SLC38A4: variants seen among roughly 807,000 people sequenced by gnomAD.
SLC38A4 encodes the protein sodium-coupled neutral amino acid transporter 4.
Under a neutral mutation model 63.1 loss-of-function variants are expected in SLC38A4, and 20 were observed. That is an observed-to-expected ratio of 0.32 (90% confidence interval 0.22 to 0.46). The LOEUF is 0.46. Ranked by LOEUF, SLC38A4 falls within the 20% of genes least tolerant of loss-of-function variation. The pLI, the probability that SLC38A4 is intolerant of heterozygous loss-of-function variation, is 1.00. For missense variants in SLC38A4, 526 were observed against 663.6 expected (o/e 0.79, Z 2.28); for synonymous variants, 230 against 225.5 (o/e 1.02, Z -0.18).
At chr12:46,812,576 A>G (rs1442874554) in intron 1 of SLC38A4, among the ~76,000 whole-genome samples, 2 of 152,072 alleles carry the variant, frequency 1.3e-5, no homozygotes, top group African/African-American at 4.8e-5. Context: ...CATTTATAAA[A>G]TAGTATATAG....
chr12:46,796,703 A>G (rs1939014291), intron 2 of SLC38A4, among the ~76,000 whole-genome samples: 1 of 152,066 alleles, frequency 6.6e-6, no homozygotes, highest in African/African-American at 2.4e-5. Flanking sequence ...CCTGTTTGTT[A>G]TACCTCTTTG....
chr12:46,806,005 AAGG>A (rs1174478106), intron 1 of SLC38A4, among the ~76,000 whole-genome samples: 1 of 151,772 alleles, frequency 6.6e-6, no homozygotes, highest in African/African-American at 2.4e-5. Flanking sequence ...TCCAGGAAAT[AAGG>A]AGTCCCTAGG....
chr12:46,798,635 T>G (rs757851940), intron 2 of SLC38A4, among the ~76,000 whole-genome samples: 3 of 152,180 alleles, frequency 2.0e-5, no homozygotes, highest in Non-Finnish European at 4.4e-5. Flanking sequence ...TGTATATTAA[T>G]AGGAACCTCA....
intron 3 of SLC38A4, among the ~76,000 whole-genome samples, chr12:46,789,470 A>G (rs1938835092): frequency 6.6e-6 from 1 of 152,122 alleles, no homozygotes; most frequent in African/African-American, 2.4e-5. Flanking sequence ...GTTTTCTTGG[A>G]CACAGGCTAG....
chr12:46,784,099 G>A (rs912935310), intron 7 of SLC38A4, among the ~76,000 whole-genome samples: 5 of 151,968 alleles, frequency 3.3e-5, no homozygotes, highest in African/African-American at 1.2e-4. Context: ...TAGTGGGCTG[G>A]CTCAGTGCAG....
At chr12:46,791,130 T>C (rs1938878153) in intron 3 of SLC38A4, among the ~76,000 whole-genome samples, 1 of 152,176 alleles carries the variant, frequency 6.6e-6, no homozygotes. Flanking sequence ...AGCTCATATT[T>C]GTGTGCATGC....
At chr12:46,827,295 C>T (rs7489259), upstream of SLC38A4, among the ~76,000 whole-genome samples, 112,011 of 152,178 alleles carry the variant, frequency 0.74, 41,385 homozygotes, top group African/African-American at 0.77. Context: ...TGGACATTTG[C>T]TAACATTTCA....
intron 16 of SLC38A4, among the ~76,000 whole-genome samples, chr12:46,767,356 C>G (rs1175369362): frequency 1.3e-5 from 2 of 151,984 alleles, no homozygotes; most frequent in Non-Finnish European, 2.9e-5. Flanking sequence ...TACATTTTAT[C>G]ACATACTTAA....
intron 5 of SLC38A4, among the ~76,000 whole-genome samples, chr12:46,786,913 T>C (rs1429885152): frequency 2.0e-5 from 3 of 152,348 alleles, no homozygotes; most frequent in Non-Finnish European, 4.4e-5. Flanking sequence ...TTTAACTCTC[T>C]AGCGTTGCAT....
chr12:46,829,508 C>A (rs1481258309), upstream of SLC38A4, among the ~76,000 whole-genome samples: 3 of 151,488 alleles, frequency 2.0e-5, no homozygotes, highest in South Asian at 6.2e-4. Context: ...AAAAAAACAA[C>A]GTCCACAAGC....
intron 3 of SLC38A4, among the ~76,000 whole-genome samples, chr12:46,790,201 T>C (rs1301336768): frequency 6.6e-6 from 1 of 152,182 alleles, no homozygotes; most frequent in Non-Finnish European, 1.5e-5. Flanking sequence ...GGAAAGAGGA[T>C]GACAGGGTTA....
chr12:46,792,823 G>A (rs1450917330), intron 3 of SLC38A4, 130 bp downstream of exon 3: 1 of 693,056 alleles, frequency 1.4e-6, no homozygotes, highest in Admixed American at 2.0e-5. Flanking sequence ...GAATTGATGT[G>A]CTAGCATCAA....
At chr12:46,769,190 A>G (rs1169494853) in intron 15 of SLC38A4, 94 bp downstream of exon 15, 8 of 1,369,206 alleles carry the variant, frequency 5.8e-6, no homozygotes, top group Non-Finnish European at 8.2e-6. Flanking sequence ...CTGAGAAAGA[A>G]CGGGGATCTG....
At chr12:46,819,717 A>G (rs1022208447) in intron 1 of SLC38A4, among the ~76,000 whole-genome samples, 28 of 152,032 alleles carry the variant, frequency 1.8e-4, no homozygotes, top group African/African-American at 6.3e-4. Context: ...GTGAAGCTGG[A>G]GATTCATTAC....
chr12:46,766,788 A>T lies in SLC38A4; in HGVS notation c.1557T>A (p.Leu519=), dbSNP rs1483637888. 6.2e-7 allele frequency: 1 copy of T among 1,609,610 alleles called. No individual in the cohort carries two copies. Among genetic ancestry groups the T allele is most frequent in the Non-Finnish European group, 8.5e-7 (1 of 1,177,072 alleles). ...SPQKVGALIF[L]VVGIFFMIGS... The stretch of plus-strand genomic sequence containing the variant: ...CAATCATGAAGAATATTCCAACCAC[A>T]AGGAAAATTAAAGCCTGTAATTCAG... The change falls in exon 17 of 17, where the codon CTT becomes CTA. Residue 519 remains leucine, a synonymous_variant. Transcript: ENST00000266579.
At chr12:46,769,226 C>G (rs1396342309) in intron 15 of SLC38A4, 58 bp downstream of exon 15, 1 of 1,588,526 alleles carries the variant, frequency 6.3e-7, no homozygotes, top group Non-Finnish European at 8.6e-7. Flanking sequence ...GTTCCCTGTC[C>G]ATCATTTAAT....
intron 12 of SLC38A4, among the ~76,000 whole-genome samples, chr12:46,777,822 C>G (rs1294495951): frequency 1.3e-5 from 2 of 151,952 alleles, no homozygotes; most frequent in Non-Finnish European, 1.5e-5. Context: ...AATAAGACAA[C>G]AAAGGACAGA....
chr12:46,810,290 G>A lies in SLC38A4; in HGVS notation c.-304-6496C>T, dbSNP rs184405784. 7.9e-5 allele frequency among the ~76,000 whole-genome samples: 12 copies of A among 151,978 alleles called. No individual in the cohort carries two copies. The East Asian group carries it at 2.1e-3, about 27-fold the overall frequency. ...AATCTAATAATAATAAGGTCCCTAT[G>A]TTGTTTCAAAGATTATGTTGTTCTC... On this transcript the variant is annotated intron_variant, in intron 1 of 16. Transcript: ENST00000266579.
At position 46,765,351 on chromosome 12, in the gene SLC38A4, C is replaced by G. The variant is rs111233605; in HGVS notation, c.*1350G>C. Reference sequence around the variant, plus strand: ...ACTTATACTTTTACAGAGAACCACTCAACACTGTATTAAATGGCCAATGAA... The same window carrying G: ...ACTTATACTTTTACAGAGAACCACTGAACACTGTATTAAATGGCCAATGAA... On this transcript the variant is annotated 3_prime_UTR_variant, in exon 17 of 17. Coordinates refer to ENST00000266579, the MANE Select transcript of SLC38A4 (RefSeq NM_018018.5). The G allele has an allele frequency of 3.7e-5, 8 of 217,398 alleles. No homozygotes were observed. Among genetic ancestry groups the G allele is most frequent in the Non-Finnish European group, 6.7e-5 (7 of 104,632 alleles). 13.5% of individuals were successfully genotyped at this position (217,398 alleles called of 1,614,324 possible).
Sources: gnomAD v4.1 joint callset for allele counts (sites outside exome capture counted in the v4.1 genomes callset) on GRCh38, gnomAD v4.1.1 for gene constraint, MANE v1.5 for transcripts, NCBI Gene and HGNC (gene_info 2026-07-23, HGNC 2026-07-21) for gene names.